MBOAT2: variants seen among roughly 807,000 people sequenced by gnomAD.
MBOAT2 encodes the protein membrane-bound glycerophospholipid O-acyltransferase 2.
A neutral mutation model predicts 63.4 loss-of-function variants in MBOAT2; 28 were observed. The ratio of observed to expected loss-of-function variants is 0.44; its 90% confidence interval spans 0.33 to 0.61. MBOAT2 has a LOEUF of 0.61. MBOAT2 is among the 20% of genes least tolerant of loss of function. MBOAT2 has a pLI of 0.03. For synonymous variants in MBOAT2, 211 were observed against 215.6 expected (o/e 0.98, Z 0.19); for missense variants, 470 against 605.8 (o/e 0.78, Z 2.35).
chr2:8,926,817 C>T (rs972236207), intron 3 of MBOAT2, among the ~76,000 whole-genome samples: 8 of 152,188 alleles, frequency 5.3e-5, no homozygotes, highest in African/African-American at 1.9e-4. Context: ...AGATGGTAAA[C>T]AGCAGAAATG....
At chr2:8,921,286 C>A (rs553505511) in intron 3 of MBOAT2, among the ~76,000 whole-genome samples, 1 of 152,238 alleles carries the variant, frequency 6.6e-6, no homozygotes, top group East Asian at 1.9e-4. Context: ...TGTCTCATTT[C>A]ATCACAATCT....
At chr2:8,915,534 T>C (rs182293988) in intron 3 of MBOAT2, among the ~76,000 whole-genome samples, 3 of 152,268 alleles carry the variant, frequency 2.0e-5, no homozygotes, top group Admixed American at 2.0e-4. Flanking sequence ...GGGGGTTTTT[T>C]TGTTTTGTTT....
intron 3 of MBOAT2, among the ~76,000 whole-genome samples, chr2:8,933,198 C>A (rs1667443217): frequency 2.0e-5 from 3 of 152,008 alleles, no homozygotes; most frequent in Admixed American, 6.5e-5. Flanking sequence ...TCTAGAAGTA[C>A]CCAAAGGCAA....
intron 4 of MBOAT2, among the ~76,000 whole-genome samples, chr2:8,902,709 C>T (rs191120471): frequency 6.6e-6 from 1 of 152,312 alleles, no homozygotes; most frequent in Non-Finnish European, 1.5e-5. Context: ...CCAGTGGGTT[C>T]ATGGTCTGAC....
chr2:8,889,692 T>C (rs10182373), intron 4 of MBOAT2, among the ~76,000 whole-genome samples: 10,336 of 152,322 alleles, frequency 0.068, 379 homozygotes, highest in Middle Eastern at 0.095. Flanking sequence ...TATAAAATTC[T>C]CTTCAGTTCT....
intron 1 of MBOAT2, among the ~76,000 whole-genome samples, chr2:8,964,741 A>T (rs1669868596): frequency 6.6e-6 from 1 of 152,242 alleles, no homozygotes; most frequent in Non-Finnish European, 1.5e-5. Context: ...CATATTCTTG[A>T]CAACACTTGG....
At chr2:8,969,852 G>A (rs1262053404) in intron 1 of MBOAT2, among the ~76,000 whole-genome samples, 3 of 152,186 alleles carry the variant, frequency 2.0e-5, no homozygotes, top group Non-Finnish European at 4.4e-5. Context: ...CAATACAGGA[G>A]CACCCAGATT....
intron 3 of MBOAT2, among the ~76,000 whole-genome samples, chr2:8,917,070 A>T: frequency 6.6e-6 from 1 of 152,232 alleles, no homozygotes; most frequent in East Asian, 1.9e-4. Context: ...ACAAATGAAT[A>T]TACATATAGA....
intron 3 of MBOAT2, among the ~76,000 whole-genome samples, chr2:8,914,934 C>CTTT (rs938665533): frequency 0.015 from 879 of 60,366 alleles, 21 homozygotes; most frequent in East Asian, 0.018. Flanking sequence ...CTGGAAATTT[C>CTTT]TTTTTTTTTT....
intron 3 of MBOAT2, among the ~76,000 whole-genome samples, chr2:8,936,828 A>AAAAGAAAG (rs141033801): frequency 6.8e-6 from 1 of 147,562 alleles, no homozygotes; most frequent in African/African-American, 2.6e-5. Context: ...AAAAGAAAAA[A>AAAAGAAAG]AAAGAAAGAA....
At chr2:8,965,879 T>G (rs114460811) in intron 1 of MBOAT2, among the ~76,000 whole-genome samples, 328 of 152,298 alleles carry the variant, frequency 2.2e-3, no homozygotes, top group African/African-American at 7.4e-3. Flanking sequence ...TAACCTATAA[T>G]AATTTTGGAG....
At chr2:8,893,427 A>T (rs898468140) in intron 4 of MBOAT2, among the ~76,000 whole-genome samples, 1 of 152,150 alleles carries the variant, frequency 6.6e-6, no homozygotes, top group African/African-American at 2.4e-5. Flanking sequence ...GAAAACAAGG[A>T]AGTTATTTAA....
In MBOAT2 at chr2:9,000,545, ACAACT is replaced by A. The variant is rs1226394584; in HGVS notation, c.75+2990_75+2994del. On this transcript the variant is annotated intron_variant, in intron 1 of 12. Coordinates refer to ENST00000305997, the MANE Select transcript of MBOAT2 (RefSeq NM_138799.4). ...TTTTAAAGCCTTGCTCAAAGAGAAA[ACAACT>A]CAAACTACAGTCATGTGTCACTTAA... 4.6e-5 allele frequency among the ~76,000 whole-genome samples: 7 copies of A among 152,360 alleles called. No homozygotes were observed. In the South Asian group the frequency reaches 8.3e-4, roughly 18 times the overall value.
intron 1 of MBOAT2, among the ~76,000 whole-genome samples, chr2:9,002,748 G>C (rs1672792733): frequency 6.6e-6 from 1 of 151,952 alleles, no homozygotes; most frequent in African/African-American, 2.4e-5. Context: ...GTAATCGTTA[G>C]GCCCTTTAAA....
At chr2:8,892,623 G>C (rs966735089) in intron 4 of MBOAT2, among the ~76,000 whole-genome samples, 2 of 152,174 alleles carry the variant, frequency 1.3e-5, no homozygotes, top group African/African-American at 2.4e-5. Context: ...ACAGGTAAAA[G>C]ACACAGTGTG....
chr2:8,909,823 T>C lies in MBOAT2; in HGVS notation c.300-1107A>G, dbSNP rs142878831. On this transcript the variant is annotated intron_variant, in intron 3 of 12. Transcript: ENST00000305997. ...ATACACAAAGCATTGAGAAATCAAA[T>C]TTTAAATAATTTCTAAAAATCATGT... 2.7e-4 allele frequency among the ~76,000 whole-genome samples: 41 copies of C among 152,310 alleles called. No homozygotes were observed. The East Asian group carries it at 7.7e-3, about 29-fold the overall frequency.
At chr2:8,905,910 T>G (rs773232114) in intron 4 of MBOAT2, among the ~76,000 whole-genome samples, 1 of 152,236 alleles carries the variant, frequency 6.6e-6, no homozygotes, top group Non-Finnish European at 1.5e-5. Context: ...CTTCTACATA[T>G]TTAAACATTT....
chr2:8,923,123 G>A (rs1331954889), intron 3 of MBOAT2, among the ~76,000 whole-genome samples: 4 of 152,184 alleles, frequency 2.6e-5, no homozygotes, highest in Admixed American at 2.6e-4. Flanking sequence ...AACCATATTG[G>A]TAAAGACTAA....
intron 1 of MBOAT2, among the ~76,000 whole-genome samples, chr2:8,994,760 A>C (rs886519216): frequency 6.6e-6 from 1 of 152,200 alleles, no homozygotes; most frequent in Non-Finnish European, 1.5e-5. Flanking sequence ...GGAGGAAAGG[A>C]TGGGGCAAAT....
Sources: allele counts gnomAD v4.1 joint callset (sites outside exome capture counted in the v4.1 genomes callset), GRCh38; gene constraint gnomAD v4.1.1; transcripts MANE v1.5; gene names NCBI Gene and HGNC (gene_info 2026-07-23, HGNC 2026-07-21).